The following CACNA1I variants were observed in gnomAD, a reference collection of about 807,000 sequenced individuals.
CACNA1I encodes calcium voltage-gated channel subunit alpha1 I, also known as voltage-dependent T-type calcium channel subunit alpha-1I.
In CACNA1I, 74 loss-of-function variants were observed where a neutral mutation model predicts 201.6. That is an observed-to-expected ratio of 0.37 (90% CI 0.30 to 0.45). The LOEUF is 0.45. Among genes scored for constraint, CACNA1I ranks in the 20% least tolerant of loss-of-function variants. The probability of loss-of-function intolerance (pLI) is 1.00; values close to 1 mark genes in which losing one functional copy is unlikely to be tolerated. For synonymous variants in CACNA1I, 1,431 were observed against 1,345.2 expected, an observed-to-expected ratio of 1.06 and a Z score of -1.40; for missense variants, 2,346 against 3,138.1, an observed-to-expected ratio of 0.75 and a Z score of 6.03.
Position 39,646,820 on chromosome 22 carries a change from G to A in CACNA1I, c.1401G>A (p.Leu467=), listed in dbSNP as rs1182165390. Residue 467 remains leucine, a synonymous_variant, in exon 8 of 37, where the codon CTG becomes CTA. Coordinates refer to ENST00000402142, the MANE Select transcript of CACNA1I (RefSeq NM_021096.4). ...YQALQSRRQA[L]GPEAPAPAKP... ...CCCTGCAGAGCCGGCGCCAGGCCCT[G>A]GGCCCGGAGGCCCCGGCCCCCGCCA... 32 of 1,545,548 alleles carry A rather than the reference G, an allele frequency of 2.1e-5. No homozygotes were observed. The highest frequency in any genetic ancestry group is 2.8e-5 in the Non-Finnish European group (32 of 1,145,322).
chr22:39,625,251 T>A (rs136811), intron 4 of CACNA1I, among the ~76,000 whole-genome samples: 91,282 of 151,924 alleles, frequency 0.6, 28,275 homozygotes, highest in East Asian at 0.99. Context: ...TAGTCTCATT[T>A]CTAGAGGGCA....
chr22:39,582,349 T>C (rs1932581682), intron 1 of CACNA1I, among the ~76,000 whole-genome samples: 1 of 152,156 alleles, frequency 6.6e-6, no homozygotes, highest in African/African-American at 2.4e-5. Context: ...TCATAATGTC[T>C]GGAGATGGTT....
chr22:39,598,036 G>C, intron 1 of CACNA1I, 115 bp from the exon 2 acceptor site: 1 of 656,592 alleles, frequency 1.5e-6, no homozygotes, highest in Non-Finnish European at 2.8e-6. Context: ...GGAGAAGAAT[G>C]AGGAATGGGG....
chr22:39,585,148 C>T (rs1229394029), intron 1 of CACNA1I, among the ~76,000 whole-genome samples: 1 of 152,166 alleles, frequency 6.6e-6, no homozygotes, highest in African/African-American at 2.4e-5. Context: ...CAACCTCTGC[C>T]TCCTGGGTTC....
At chr22:39,655,753 G>A (rs1474863843) in intron 10 of CACNA1I, among the ~76,000 whole-genome samples, 1 of 151,976 alleles carries the variant, frequency 6.6e-6, no homozygotes, top group East Asian at 1.9e-4. Flanking sequence ...GTCTATATTC[G>A]TCTGTGTGTC....
chr22:39,605,277 C>T (rs1303636560), intron 3 of CACNA1I, among the ~76,000 whole-genome samples: 1 of 152,186 alleles, frequency 6.6e-6, no homozygotes, highest in African/African-American at 2.4e-5. Flanking sequence ...CGGCCTTCAT[C>T]TCCACATCTG....
intron 3 of CACNA1I, among the ~76,000 whole-genome samples, chr22:39,602,667 A>G (rs1285014172): frequency 6.6e-6 from 1 of 152,176 alleles, no homozygotes; most frequent in Non-Finnish European, 1.5e-5. Context: ...TTGTAGAGTC[A>G]GAACACTGCA....
chr22:39,579,012 G>A (rs1932459970), intron 1 of CACNA1I, among the ~76,000 whole-genome samples: 1 of 152,146 alleles, frequency 6.6e-6, no homozygotes, highest in Admixed American at 6.5e-5. Flanking sequence ...TTCCTCACTA[G>A]CCTCCTCAGC....
chr22:39,586,006 C>T (rs1044910585), intron 1 of CACNA1I, among the ~76,000 whole-genome samples: 1 of 151,518 alleles, frequency 6.6e-6, no homozygotes, highest in Admixed American at 6.6e-5. Flanking sequence ...GGTGAAACCC[C>T]GTCTCTACTA....
At chr22:39,620,050 TCCACCCAC>T (rs547198561) in intron 4 of CACNA1I, among the ~76,000 whole-genome samples, 150 of 99,908 alleles carry the variant, frequency 1.5e-3, no homozygotes, top group East Asian at 2.4e-3. Context: ...CATCCATCCA[TCCACCCAC>T]CCACCCATCC....
intron 3 of CACNA1I, among the ~76,000 whole-genome samples, chr22:39,602,959 C>T (rs981257623): frequency 1.3e-5 from 2 of 151,992 alleles, no homozygotes; most frequent in Admixed American, 6.6e-5. Context: ...TGAGACCAGC[C>T]TGGGCAACAT....
At position 39,648,878 on chromosome 22, in the gene CACNA1I, T is replaced by A. The variant is rs2146429743; in HGVS notation, c.1568-623T>A. 6.6e-6 allele frequency among the ~76,000 whole-genome samples: 1 copy of A among 152,072 alleles called. No homozygotes were observed. The highest frequency in any genetic ancestry group is 1.5e-5 in the Non-Finnish European group (1 of 67,956). ...GCAGCAAAGGGATGAAGTTCCCTCT[T>A]CCCAGGGGCCCTTCCTGCCCGCTGC... On this transcript the variant is annotated intron_variant, in intron 9 of 36. Transcript: ENST00000402142. The surrounding 1 kb of genome is among the most constrained non-coding windows in gnomAD (Gnocchi z 5.4).
chr22:39,623,925 G>C, intron 4 of CACNA1I, among the ~76,000 whole-genome samples: 1 of 135,372 alleles, frequency 7.4e-6, no homozygotes, highest in East Asian at 2.3e-4. Flanking sequence ...TATGTGTGAC[G>C]TGTTTGTGTG....
At chr22:39,574,983 C>T (rs887106672) in intron 1 of CACNA1I, among the ~76,000 whole-genome samples, 2 of 152,340 alleles carry the variant, frequency 1.3e-5, no homozygotes, top group African/African-American at 4.8e-5. Context: ...CCTGAGTCAC[C>T]GCCTGACTCA....
intron 8 of CACNA1I, 117 bp downstream of exon 8, chr22:39,646,998 A>C: frequency 7.1e-7 from 1 of 1,403,584 alleles, no homozygotes; most frequent in Non-Finnish European, 9.3e-7. Context: ...TTCATGCTCA[A>C]GTGTTTCCTT....
chr22:39,625,503 CAA>C (rs1251420769), intron 4 of CACNA1I, among the ~76,000 whole-genome samples: 2 of 152,178 alleles, frequency 1.3e-5, no homozygotes, highest in Non-Finnish European at 2.9e-5. Context: ...CCTACTCGTA[CAA>C]ACAAAGCAGG....
At chr22:39,653,547 G>T (rs941044796) in intron 10 of CACNA1I, among the ~76,000 whole-genome samples, 4 of 152,204 alleles carry the variant, frequency 2.6e-5, no homozygotes, top group Non-Finnish European at 5.9e-5. Flanking sequence ...GAGAGGAGGA[G>T]AGGGTGGGTG....
At chr22:39,674,117 TCTC>T (rs1284874696) in intron 29 of CACNA1I, 84 bp downstream of exon 29, 2 of 1,274,440 alleles carry the variant, frequency 1.6e-6, no homozygotes, top group East Asian at 4.7e-5. Context: ...TGATTTCCCT[TCTC>T]CTCACATCTG....
In CACNA1I at chr22:39,642,837, T is replaced by A; in HGVS notation, c.1097T>A (p.Val366Glu). The A allele has an allele frequency of 6.2e-7, 1 of 1,611,962 alleles. No homozygotes were observed. The highest frequency in any genetic ancestry group is 8.5e-7 in the Non-Finnish European group (1 of 1,178,970). ...GGCTGGGTGGAGATCATGTACTACG[T>A]GATGGATGCTCACTCCTTCTACAAC... Reference protein sequence around the residue: ...LEGWVEIMYYVMDAHSFYNFI... With the variant: ...LEGWVEIMYYEMDAHSFYNFI... Residue 366 changes from valine to glutamate, a missense_variant, in exon 7 of 37, where the codon GTG becomes GAG. By Grantham distance (121) the Val-to-Glu change is moderately radical. Coordinates refer to ENST00000402142, the MANE Select transcript of CACNA1I (RefSeq NM_021096.4).
Sources: gnomAD v4.1 joint callset for allele counts (sites outside exome capture counted in the v4.1 genomes callset) on GRCh38, gnomAD v4.1.1 for gene constraint, Gnocchi (gnomAD v3.1) non-coding constraint, MANE v1.5 for transcripts, NCBI Gene and HGNC (gene_info 2026-07-23, HGNC 2026-07-21) for gene names.